The following SRD5A1 variants were observed in gnomAD, a reference collection of about 807,000 sequenced individuals.
SRD5A1 encodes 3-oxo-5-alpha-steroid 4-dehydrogenase 1.
In SRD5A1, 22 loss-of-function variants were observed where a neutral mutation model predicts 28.2. The observed-to-expected ratio is 0.78, with a 90% CI of 0.56 to 1.12. The LOEUF (loss-of-function observed/expected upper bound fraction) is 1.12, where lower values mean the gene tolerates loss of function less well. SRD5A1 is among the 50% of genes most tolerant of loss of function. SRD5A1 has a pLI of 0.00. For synonymous variants in SRD5A1, 151 were observed against 135.0 expected, an observed-to-expected ratio of 1.12 and a Z score of -0.82; for missense variants, 300 against 346.7, an observed-to-expected ratio of 0.87 and a Z score of 1.07.
chr5:6,652,006 T>G lies in SRD5A1; in HGVS notation c.458T>G (p.Ile153Arg). 1 of 1,612,724 alleles carries G rather than the reference T, an allele frequency of 6.2e-7. No individual in the cohort carries two copies. Among genetic ancestry groups the G allele is most frequent in the Non-Finnish European group, 8.5e-7 (1 of 1,178,898 alleles). ...TGGGTAACAGATCCCCGTTTTCTAA[T>G]AGGTGAGTGTCCACAGCAGTGAACT... ...DDWVTDPRFLIGFGLWLTGML... is the reference protein window; with the variant it reads ...DDWVTDPRFLRGFGLWLTGML... Residue 153 changes from isoleucine to arginine, a missense_variant and splice_region_variant, in exon 2 of 5, where the codon ATA (isoleucine) becomes AGA (arginine). Ile to Arg is a moderately conservative substitution (Grantham distance 97). Transcript: ENST00000274192.
chr5:6,669,212 A>G lies in SRD5A1; in HGVS notation c.*944A>G, dbSNP rs554183519. The G allele has an allele frequency of 6.6e-6, 1 of 152,326 alleles. No individual in the cohort carries two copies. The highest frequency in any genetic ancestry group is 6.5e-5 in the Admixed American group (1 of 15,296). 9.4% of individuals were successfully genotyped at this position (152,326 alleles called of 1,614,324 possible). ...AACAATAACAAGACCACTTTTTAAG[A>G]TTTATCCTGTTTGTTCTTTGTTGAT... On this transcript the variant is annotated 3_prime_UTR_variant, in exon 5 of 5. Transcript: ENST00000274192.
At chr5:6,635,026 C>G (rs1738137498) in intron 1 of SRD5A1, among the ~76,000 whole-genome samples, 1 of 152,196 alleles carries the variant, frequency 6.6e-6, no homozygotes, top group Non-Finnish European at 1.5e-5. Flanking sequence ...CACTCACTTC[C>G]CAGAGAGACA....
chr5:6,634,178 T>C (rs573989248), intron 1 of SRD5A1, among the ~76,000 whole-genome samples: 46 of 152,338 alleles, frequency 3.0e-4, no homozygotes, highest in African/African-American at 1.1e-3. Flanking sequence ...TTTGGTTTCC[T>C]TAGCCGGGCG....
intron 2 of SRD5A1, among the ~76,000 whole-genome samples, chr5:6,652,481 G>T (rs979897711): frequency 6.6e-6 from 1 of 152,106 alleles, no homozygotes; most frequent in Non-Finnish European, 1.5e-5. Flanking sequence ...CAGTTAATGT[G>T]AATTAATGTA....
At position 6,633,582 on chromosome 5, in the gene SRD5A1, A is replaced by G; in HGVS notation, c.6A>G (p.Ala2=). Residue 2 remains alanine, a synonymous_variant, in exon 1 of 5, where the codon GCA becomes GCG. Coordinates refer to ENST00000274192, the MANE Select transcript of SRD5A1 (RefSeq NM_001047.4). M[A]TATGVAEERL... is the part of the protein sequence containing the mutation. ...CACGCTGCCCAGCCCTGGCGATGGC[A>G]ACGGCGACGGGGGTGGCGGAGGAGC... 1 of 1,517,538 alleles carries G rather than the reference A, an allele frequency of 6.6e-7. No homozygotes were observed. 94.0% of individuals were successfully genotyped at this position (1,517,538 alleles called of 1,614,324 possible).
intron 4 of SRD5A1, among the ~76,000 whole-genome samples, chr5:6,667,528 A>G (rs1447849395): frequency 1.3e-5 from 2 of 152,198 alleles, no homozygotes; most frequent in East Asian, 1.9e-4. Flanking sequence ...CCCTTTCTCC[A>G]TCTTGTCAAA....
chr5:6,649,158 C>A (rs375967683), intron 1 of SRD5A1, among the ~76,000 whole-genome samples: 16 of 152,288 alleles, frequency 1.1e-4, no homozygotes, highest in African/African-American at 3.1e-4. Flanking sequence ...AGGTGTCTGT[C>A]GGCCCCTACT....
At chr5:6,651,703 A>G in intron 1 of SRD5A1, 139 bp from the exon 2 acceptor site, 2 of 820,642 alleles carry the variant, frequency 2.4e-6, no homozygotes, top group Non-Finnish European at 3.7e-6. Flanking sequence ...GCTTAGATAT[A>G]ATAAATTAGT....
chr5:6,660,322 A>C (rs1477320787), intron 3 of SRD5A1, among the ~76,000 whole-genome samples: 1 of 152,242 alleles, frequency 6.6e-6, no homozygotes, highest in Non-Finnish European at 1.5e-5. Flanking sequence ...GTCCCACACC[A>C]GACACTTAAG....
rs1471868286 is a variant in SRD5A1, at chr5:6,671,623, A to G, written c.*3355A>G. 6.6e-6 allele frequency: 1 copy of G among 150,562 alleles called. No homozygotes were observed. Among genetic ancestry groups the G allele is most frequent in the African/African-American group, 2.4e-5 (1 of 41,060 alleles). 9.3% of individuals were successfully genotyped at this position (150,562 alleles called of 1,614,324 possible). ...ATGTTCTCATTGATATGTGGGAGCT[A>G]AGCTATGAGGACACAAAGGCATAAG... On this transcript the variant is annotated 3_prime_UTR_variant, in exon 5 of 5. Coordinates refer to ENST00000274192, the MANE Select transcript of SRD5A1 (RefSeq NM_001047.4).
At chr5:6,659,993 T>C (rs144077535) in intron 3 of SRD5A1, among the ~76,000 whole-genome samples, 1 of 152,332 alleles carries the variant, frequency 6.6e-6, no homozygotes, top group African/African-American at 2.4e-5. Flanking sequence ...CGTGAGGTCT[T>C]TCAGAAACGC....
Position 6,673,329 on chromosome 5 carries a change from T to C in SRD5A1, c.*5061T>C, listed in dbSNP as rs1236629089. 6.6e-6 allele frequency: 1 copy of C among 152,186 alleles called. No homozygotes were observed. The highest frequency in any genetic ancestry group is 1.9e-4 in the East Asian group (1 of 5,198). The allele number at this position is 152,186 out of a possible 1,614,324, so 9.4% of individuals were successfully genotyped here. On this transcript the variant is annotated 3_prime_UTR_variant, in exon 5 of 5. Coordinates refer to ENST00000274192, the MANE Select transcript of SRD5A1 (RefSeq NM_001047.4). ...GAAACAAAACTGAGTGCCAAGCATA[T>C]GATAACATGCTCAGCATCATATGAC... is the stretch of plus-strand genomic sequence containing the variant.
intron 1 of SRD5A1, among the ~76,000 whole-genome samples, chr5:6,640,824 A>G (rs1259236690): frequency 6.6e-6 from 1 of 152,272 alleles, no homozygotes; most frequent in Non-Finnish European, 1.5e-5. Context: ...GCTTGTAATC[A>G]GAACAGAAAA....
At chr5:6,641,489 GGAA>G (rs549863903) in intron 1 of SRD5A1, among the ~76,000 whole-genome samples, 202 of 152,306 alleles carry the variant, frequency 1.3e-3, no homozygotes, top group African/African-American at 4.8e-3. Flanking sequence ...AGGGAAGTCA[GGAA>G]GAAGATCTCA....
In SRD5A1 at chr5:6,653,787, A is replaced by G. The variant is rs1738754457; in HGVS notation, c.460+1779A>G. The stretch of plus-strand genomic sequence containing the variant: ...CCTCCTGTTTAAAGTAGCTCCGCAG[A>G]TGGTTCGCATCACGTAGAGGTGACT... On this transcript the variant is annotated intron_variant, in intron 2 of 4. Transcript: ENST00000274192. Among the ~76,000 whole-genome samples the G allele has an allele frequency of 2.0e-5, 3 of 152,246 alleles. No individual in the cohort carries two copies. The South Asian group carries it at 6.2e-4, about 32-fold the overall frequency.
intron 3 of SRD5A1, among the ~76,000 whole-genome samples, chr5:6,662,158 C>T (rs772931977): frequency 6.6e-6 from 1 of 152,238 alleles, no homozygotes; most frequent in Non-Finnish European, 1.5e-5. Flanking sequence ...CAGGCTGGCC[C>T]TCACCTGCAA....
At chr5:6,666,280 T>C (rs1303024015) in intron 4 of SRD5A1, among the ~76,000 whole-genome samples, 2 of 152,104 alleles carry the variant, frequency 1.3e-5, no homozygotes, top group South Asian at 2.1e-4. Context: ...CCTGAGTAGC[T>C]GGGACTACAG....
In SRD5A1 at chr5:6,669,860, A is replaced by C. The variant is rs1739310438; in HGVS notation, c.*1592A>C. On this transcript the variant is annotated 3_prime_UTR_variant, in exon 5 of 5. Coordinates refer to ENST00000274192, the MANE Select transcript of SRD5A1 (RefSeq NM_001047.4). ...TAGGTGGGGGAGTGGCCCCATAAAGAGAGTGAGAGAGAGTCACCACTGCAG... is the reference window on the plus strand; with the variant it reads ...TAGGTGGGGGAGTGGCCCCATAAAGCGAGTGAGAGAGAGTCACCACTGCAG... The C allele has an allele frequency of 1.3e-5, 2 of 152,566 alleles. No individual in the cohort carries two copies. Among genetic ancestry groups the C allele is most frequent in the South Asian group, 4.1e-4 (2 of 4,838 alleles). The allele number at this position is 152,566 out of a possible 1,614,324, so 9.5% of individuals were successfully genotyped here.
chr5:6,667,692 A>G (rs1739227443), intron 4 of SRD5A1, among the ~76,000 whole-genome samples: 1 of 152,212 alleles, frequency 6.6e-6, no homozygotes, highest in African/African-American at 2.4e-5. Flanking sequence ...GGACAATGCC[A>G]TATTGCATTT....
Sources: gnomAD v4.1 joint callset for allele counts (sites outside exome capture counted in the v4.1 genomes callset) on GRCh38, gnomAD v4.1.1 for gene constraint, MANE v1.5 for transcripts, NCBI Gene and HGNC (gene_info 2026-07-23, HGNC 2026-07-21) for gene names.